The following SFRP1 variants were observed in gnomAD, a reference collection of about 807,000 sequenced individuals.
SFRP1 encodes secreted frizzled-related protein 1.
Under a neutral mutation model 25.9 loss-of-function variants are expected in SFRP1, and 9 were observed. That is an observed-to-expected ratio of 0.35 (90% CI 0.21 to 0.61). The LOEUF (loss-of-function observed/expected upper bound fraction) is 0.61, where lower values mean the gene tolerates loss of function less well. SFRP1 is among the 20% of genes least tolerant of loss of function. SFRP1 has a pLI of 0.78. For synonymous variants in SFRP1, 178 were observed against 174.0 expected (o/e 1.02, Z -0.18); for missense variants, 346 against 418.2 (o/e 0.83, Z 1.51).
intron 1 of SFRP1, 58 bp from the exon 2 acceptor site, chr8:41,303,596 C>T (rs1287267488): frequency 2.1e-6 from 3 of 1,426,774 alleles, no homozygotes; most frequent in Admixed American, 1.7e-5. Context: ...AAGGGAGCAG[C>T]CCCTGGGGAA....
intron 1 of SFRP1, among the ~76,000 whole-genome samples, chr8:41,303,875 G>A (rs1176668469): frequency 6.6e-6 from 1 of 152,172 alleles, no homozygotes; most frequent in Non-Finnish European, 1.5e-5. Context: ...AACCCACAGA[G>A]ATCTCTTCCT....
In SFRP1 at chr8:41,309,004, G is replaced by A. The variant is rs184528079; in HGVS notation, c.156C>T (p.Tyr52=). 2,192 of 1,612,448 alleles carry A rather than the reference G, an allele frequency of 1.4e-3. 30 individuals carry two copies. The Admixed American group carries it at 0.026, about 19-fold the overall frequency. Residue 52 remains tyrosine, a synonymous_variant, in exon 1 of 3, where the codon TAC becomes TAT. Transcript: ENST00000220772. ...TGTCCACGCACTGAGGTGGCTTGGT[G>A]TAGAAGCGCCCGCTCTGGTACGGGC... ...DIGPYQSGRF[Y]TKPPQCVDIP... is the part of the protein sequence containing the mutation.
At chr8:41,275,974 C>T (rs1803567340) in intron 2 of SFRP1, among the ~76,000 whole-genome samples, 2 of 152,188 alleles carry the variant, frequency 1.3e-5, no homozygotes, top group African/African-American at 4.8e-5. Flanking sequence ...TCTCGAACTC[C>T]TGAGCTCAAG....
chr8:41,280,459 C>T (rs1292578556), intron 2 of SFRP1, among the ~76,000 whole-genome samples: 1 of 152,190 alleles, frequency 6.6e-6, no homozygotes, highest in East Asian at 1.9e-4. Context: ...TCAAGGCAGC[C>T]AGGTGGCACC....
At chr8:41,289,821 A>C (rs1264610589) in intron 2 of SFRP1, among the ~76,000 whole-genome samples, 1 of 152,248 alleles carries the variant, frequency 6.6e-6, no homozygotes, top group Non-Finnish European at 1.5e-5. Flanking sequence ...TAATGGCATC[A>C]ATGCAGAGAA....
intron 2 of SFRP1, among the ~76,000 whole-genome samples, chr8:41,284,359 T>G: frequency 7.0e-6 from 1 of 143,348 alleles, no homozygotes; most frequent in African/African-American, 2.6e-5. Flanking sequence ...GGAGGGCCCC[T>G]CCCACATTGC....
chr8:41,278,817 G>A (rs982503552), intron 2 of SFRP1, among the ~76,000 whole-genome samples: 1 of 152,218 alleles, frequency 6.6e-6, no homozygotes, highest in Non-Finnish European at 1.5e-5. Flanking sequence ...GGCCTAGGGG[G>A]CTGCTGGCCC....
intron 2 of SFRP1, chr8:41,276,906 C>T (rs756424426): frequency 1.1e-4 from 52 of 456,214 alleles, no homozygotes; most frequent in South Asian, 6.2e-4. Context: ...AACGCACACA[C>T]GCAAGCTCAT....
At chr8:41,277,462 G>A (rs1465715749) in intron 2 of SFRP1, among the ~76,000 whole-genome samples, 1 of 152,170 alleles carries the variant, frequency 6.6e-6, no homozygotes. Context: ...GATGGGGAGT[G>A]GGCTACAGAA....
intron 2 of SFRP1, among the ~76,000 whole-genome samples, chr8:41,273,347 C>G (rs949204208): frequency 1.3e-5 from 2 of 151,364 alleles, no homozygotes; most frequent in Non-Finnish European, 2.9e-5. Flanking sequence ...AACACTTAGC[C>G]AGGCATAGTG....
rs1804028361 is a variant in SFRP1, at chr8:41,308,610, C to A, written c.544+6G>T. 4 of 1,580,378 alleles carry A rather than the reference C, an allele frequency of 2.5e-6. No homozygotes were observed. Among genetic ancestry groups the A allele is most frequent in the Middle Eastern group, 1.7e-4 (1 of 5,932 alleles). On this transcript the variant is annotated splice_donor_region_variant and intron_variant, in intron 1 of 2. Coordinates refer to ENST00000220772, the MANE Select transcript of SFRP1 (RefSeq NM_003012.5). ...GGCTCGCGCACGTGGGAGGAGGCAG[C>A]CTTACCTTGGGGCTTGGAGGCTTCG...
chr8:41,278,381 C>A (rs927241927), intron 2 of SFRP1, among the ~76,000 whole-genome samples: 1 of 152,242 alleles, frequency 6.6e-6, no homozygotes, highest in African/African-American at 2.4e-5. Flanking sequence ...CCACCATTAA[C>A]CTTTAGCATA....
At chr8:41,276,459 G>A (rs188909447) in intron 2 of SFRP1, among the ~76,000 whole-genome samples, 86 of 152,296 alleles carry the variant, frequency 5.6e-4, no homozygotes, top group Non-Finnish European at 1.1e-3. Context: ...CCTTGCAATG[G>A]CAGCTTAACA....
chr8:41,291,033 A>T (rs1344023621), intron 2 of SFRP1, among the ~76,000 whole-genome samples: 1 of 149,226 alleles, frequency 6.7e-6, no homozygotes, highest in Non-Finnish European at 1.5e-5. Flanking sequence ...CAGCCTCCTG[A>T]GTAGCTGGGA....
At chr8:41,293,912 A>C (rs375539887) in intron 2 of SFRP1, among the ~76,000 whole-genome samples, 50 of 147,658 alleles carry the variant, frequency 3.4e-4, no homozygotes, top group African/African-American at 1.0e-3. Context: ...ACAATGTGCC[A>C]CCATATCTGG....
intron 2 of SFRP1, among the ~76,000 whole-genome samples, chr8:41,267,441 G>C (rs961361185): frequency 6.6e-6 from 1 of 152,154 alleles, no homozygotes; most frequent in Non-Finnish European, 1.5e-5. Context: ...AAAGGAGTTG[G>C]AAATCACTTT....
chr8:41,278,162 T>C (rs1457705007), intron 2 of SFRP1, among the ~76,000 whole-genome samples: 2 of 152,206 alleles, frequency 1.3e-5, no homozygotes, highest in Non-Finnish European at 2.9e-5. Context: ...GGCACAGGCC[T>C]GTCCAAGACA....
chr8:41,277,105 C>G (rs1803580928), intron 2 of SFRP1: 2 of 448,038 alleles, frequency 4.5e-6, no homozygotes, highest in Admixed American at 4.7e-5. Context: ...GTGATTTCAT[C>G]TGGGAAGCCA....
At chr8:41,273,148 C>T (rs1803531719) in intron 2 of SFRP1, among the ~76,000 whole-genome samples, 1 of 152,216 alleles carries the variant, frequency 6.6e-6, no homozygotes, top group Non-Finnish European at 1.5e-5. Flanking sequence ...TCTTAGGAAA[C>T]TACTCAATGA....
Sources: allele counts gnomAD v4.1 joint callset (sites outside exome capture counted in the v4.1 genomes callset), GRCh38; gene constraint gnomAD v4.1.1; transcripts MANE v1.5; gene names NCBI Gene and HGNC (gene_info 2026-07-23, HGNC 2026-07-21).